The following ARB2A variants were observed in gnomAD, a reference collection of about 807,000 sequenced individuals.
The protein encoded by ARB2A is cotranscriptional regulator ARB2A.
At chr5:93,741,320 G>T in the ARB2A span, 1 of 1,613,010 alleles carries the variant, frequency 6.2e-7, no homozygotes, top group Non-Finnish European at 8.5e-7. Context: ...GCTCCAAGAC[G>T]GGGCCTGCAG....
the ARB2A span, among the ~76,000 whole-genome samples, chr5:93,783,831 A>T: frequency 6.6e-6 from 1 of 152,104 alleles, no homozygotes; most frequent in Non-Finnish European, 1.5e-5. Flanking sequence ...AAGTGTGAAA[A>T]GAAGCTTTCT....
chr5:93,768,959 C>T, the ARB2A span, among the ~76,000 whole-genome samples: 1 of 148,880 alleles, frequency 6.7e-6, no homozygotes, highest in Non-Finnish European at 1.5e-5. Flanking sequence ...TAAAATAAAA[C>T]TAAAAAAAAA....
At chr5:94,006,806 ATAAAAT>A in the ARB2A span, among the ~76,000 whole-genome samples, 1 of 152,218 alleles carries the variant, frequency 6.6e-6, no homozygotes, top group Non-Finnish European at 1.5e-5. Context: ...GAAATTGCTC[ATAAAAT>A]TAAAAGTTTT....
chr5:93,683,097 T>C, the ARB2A span: 2 of 1,562,414 alleles, frequency 1.3e-6, no homozygotes, highest in Admixed American at 3.3e-5. Flanking sequence ...CCATTCTGAT[T>C]TGACTTTTGT....
chr5:93,989,059 GACAA>G, the ARB2A span, among the ~76,000 whole-genome samples: 1 of 152,148 alleles, frequency 6.6e-6, no homozygotes, highest in Admixed American at 6.5e-5. Context: ...TATACTAGCA[GACAA>G]ACTAACTACA....
the ARB2A span, among the ~76,000 whole-genome samples, chr5:93,939,955 G>A: frequency 9.4e-5 from 14 of 148,268 alleles, no homozygotes; most frequent in African/African-American, 3.0e-4. Flanking sequence ...AACTGTATCC[G>A]TTTTTTTTTT....
chr5:94,081,979 T>C, the ARB2A span, among the ~76,000 whole-genome samples: 1 of 152,182 alleles, frequency 6.6e-6, no homozygotes, highest in African/African-American at 2.4e-5. Context: ...TCTCTTGTAA[T>C]GTCCTAATCA....
chr5:93,926,830 T>C, the ARB2A span, among the ~76,000 whole-genome samples: 84 of 151,590 alleles, frequency 5.5e-4, no homozygotes, highest in Non-Finnish European at 9.9e-4. Flanking sequence ...AGGGCCATGA[T>C]TGGCCAGGAG....
the ARB2A span, among the ~76,000 whole-genome samples, chr5:93,771,016 A>G: frequency 6.6e-6 from 1 of 152,224 alleles, no homozygotes; most frequent in Non-Finnish European, 1.5e-5. Flanking sequence ...AGCCAAAAAA[A>G]ACAAAGCTGG....
chr5:93,769,553 T>C, the ARB2A span, among the ~76,000 whole-genome samples: 1 of 152,088 alleles, frequency 6.6e-6, no homozygotes, highest in Non-Finnish European at 1.5e-5. Flanking sequence ...GCTGAAGAAG[T>C]GGTAAGTTTT....
the ARB2A span, among the ~76,000 whole-genome samples, chr5:94,046,580 G>A: frequency 6.6e-6 from 1 of 152,138 alleles, no homozygotes; most frequent in Non-Finnish European, 1.5e-5. Context: ...TAAGGCACCA[G>A]CTAGCAAGGG....
chr5:93,742,481 C>T, the ARB2A span, among the ~76,000 whole-genome samples: 1 of 152,184 alleles, frequency 6.6e-6, no homozygotes, highest in Non-Finnish European at 1.5e-5. Context: ...CATCATGCCC[C>T]TAGCTCAGGC....
the ARB2A span, among the ~76,000 whole-genome samples, chr5:93,660,389 T>G: frequency 6.6e-6 from 1 of 152,128 alleles, no homozygotes; most frequent in Admixed American, 6.6e-5. Flanking sequence ...GAAGAAATGA[T>G]TGCTGAGGAC....
chr5:93,702,289 C>A, the ARB2A span, among the ~76,000 whole-genome samples: 1 of 152,104 alleles, frequency 6.6e-6, no homozygotes, highest in South Asian at 2.1e-4. Context: ...TATGAAGAGA[C>A]TAAGGTCCTA....
chr5:93,859,414 C>T, the ARB2A span, among the ~76,000 whole-genome samples: 1 of 150,042 alleles, frequency 6.7e-6, no homozygotes, highest in Non-Finnish European at 1.5e-5. Flanking sequence ...AACTCTAAGG[C>T]ACATGAAAAA....
the ARB2A span, among the ~76,000 whole-genome samples, chr5:93,752,994 A>G: frequency 6.6e-6 from 1 of 152,178 alleles, no homozygotes; most frequent in African/African-American, 2.4e-5. Flanking sequence ...TGAAAACATC[A>G]CTTAAAGGAT....
At chr5:93,894,533 C>T in the ARB2A span, among the ~76,000 whole-genome samples, 13 of 152,214 alleles carry the variant, frequency 8.5e-5, no homozygotes, top group African/African-American at 3.1e-4. Context: ...ATGAATTTCT[C>T]CAGGTTCTGT....
At chr5:93,901,568 A>C in the ARB2A span, among the ~76,000 whole-genome samples, 1 of 152,270 alleles carries the variant, frequency 6.6e-6, no homozygotes, top group African/African-American at 2.4e-5. Flanking sequence ...CTACCTCAAA[A>C]ACTTTGAAAG....
At chr5:93,687,436 T>C in the ARB2A span, among the ~76,000 whole-genome samples, 1 of 152,172 alleles carries the variant, frequency 6.6e-6, no homozygotes, top group African/African-American at 2.4e-5. Context: ...ACTTCAAAAC[T>C]GTTAATATTA....
Sources: allele counts gnomAD v4.1 joint callset (sites outside exome capture counted in the v4.1 genomes callset), GRCh38; gene constraint gnomAD v4.1.1; transcripts MANE v1.5; gene names NCBI Gene and HGNC (gene_info 2026-07-23, HGNC 2026-07-21).